PALMD: variants seen among roughly 807,000 people sequenced by gnomAD.
The protein encoded by PALMD is palmdelphin.
Under a neutral mutation model 56.2 loss-of-function variants are expected in PALMD, and 42 were observed. The observed-to-expected ratio is 0.75, with a 90% CI of 0.58 to 0.97. The LOEUF (loss-of-function observed/expected upper bound fraction) is 0.97, where lower values mean the gene tolerates loss of function less well. PALMD is among the 50% of genes least tolerant of loss of function. The pLI, the probability that PALMD is intolerant of heterozygous loss-of-function variation, is 0.00. For synonymous variants in PALMD, 242 were observed against 222.9 expected (o/e 1.09, Z -0.76); for missense variants, 660 against 643.8 (o/e 1.03, Z -0.27).
At position 99,687,271 on chromosome 1, in the gene PALMD, A is replaced by G. The variant is rs913960738; in HGVS notation, c.514+82A>G. On this transcript the variant is annotated intron_variant, in intron 6 of 7. Transcript: ENST00000263174. Reference sequence around the variant, plus strand: ...AAATATTCACAACTTGCTATGACATATTATTCTTCCAGGTTAAGCAATGGT... The same window carrying G: ...AAATATTCACAACTTGCTATGACATGTTATTCTTCCAGGTTAAGCAATGGT... The G allele has an allele frequency of 5.0e-5, 72 of 1,439,518 alleles. 1 individual carries two copies. The highest frequency in any genetic ancestry group is 6.1e-5 in the Non-Finnish European group (66 of 1,078,970). The allele number at this position is 1,439,518 out of a possible 1,614,324, so 89.2% of individuals were successfully genotyped here.
intron 3 of PALMD, among the ~76,000 whole-genome samples, chr1:99,673,680 G>C (rs1230060586): frequency 6.6e-6 from 1 of 152,074 alleles, no homozygotes; most frequent in African/African-American, 2.4e-5. Flanking sequence ...TTCCCAGATA[G>C]TCTGATTATT....
intron 1 of PALMD, among the ~76,000 whole-genome samples, chr1:99,655,250 T>A (rs138558714): frequency 0.011 from 1,635 of 152,200 alleles, 30 homozygotes; most frequent in African/African-American, 0.038. Context: ...GGTCATTTTT[T>A]AAAAGAAAAT....
At chr1:99,673,225 A>AT (rs988377188) in intron 3 of PALMD, among the ~76,000 whole-genome samples, 2 of 152,128 alleles carry the variant, frequency 1.3e-5, no homozygotes, top group African/African-American at 2.4e-5. Context: ...TAAAAGTTAA[A>AT]TTTTTTTGTT....
intron 3 of PALMD, among the ~76,000 whole-genome samples, chr1:99,676,426 T>C (rs567453153): frequency 6.6e-6 from 1 of 152,278 alleles, no homozygotes; most frequent in Non-Finnish European, 1.5e-5. Context: ...GGGGTACAAG[T>C]GCAGTTTTGT....
chr1:99,664,502 A>T (rs1171755258), intron 2 of PALMD, among the ~76,000 whole-genome samples: 1 of 152,178 alleles, frequency 6.6e-6, no homozygotes, highest in Non-Finnish European at 1.5e-5. Context: ...ACATAAACTC[A>T]TAATAACAGT....
intron 3 of PALMD, chr1:99,669,900 T>C (rs1237503391): frequency 6.6e-6 from 1 of 152,188 alleles, no homozygotes; most frequent in Non-Finnish European, 1.5e-5. Flanking sequence ...ATTGTCCCAT[T>C]TAATCTTCAT....
chr1:99,686,758 T>A lies in PALMD; in HGVS notation c.334T>A (p.Ser112Thr), dbSNP rs765400722. The change falls in exon 4 of 8, where the codon TCA (serine) becomes ACA (threonine). Residue 112 changes from serine (S) to threonine (T), a missense_variant. By Grantham distance (58) the Ser-to-Thr change is moderately conservative. Coordinates refer to ENST00000263174, the MANE Select transcript of PALMD (RefSeq NM_017734.5). ...KEEAILKKLK[S>T]IERTTEDIIR... Reference sequence around the variant, plus strand: ...AGAGGCCATTTTAAAGAAACTAAAGTCAATTGAGCGGACAACAGAAGACAT... The same window carrying A: ...AGAGGCCATTTTAAAGAAACTAAAGACAATTGAGCGGACAACAGAAGACAT... 1 of 1,601,796 alleles carries A rather than the reference T, an allele frequency of 6.2e-7. No individual in the cohort carries two copies. Among genetic ancestry groups the A allele is most frequent in the Admixed American group, 1.7e-5 (1 of 59,638 alleles).
At chr1:99,652,488 C>T (rs1021185704) in intron 1 of PALMD, among the ~76,000 whole-genome samples, 1 of 151,922 alleles carries the variant, frequency 6.6e-6, no homozygotes, top group Admixed American at 6.6e-5. Context: ...CCTGTAATCC[C>T]AGCTACTTGG....
At chr1:99,690,064 G>A in intron 7 of PALMD, 192 bp downstream of exon 7, 2 of 513,948 alleles carry the variant, frequency 3.9e-6, no homozygotes, top group African/African-American at 2.0e-5. Flanking sequence ...GATAAAGAAA[G>A]TAAAAATAAA....
intron 2 of PALMD, among the ~76,000 whole-genome samples, chr1:99,663,338 A>C (rs1201440127): frequency 6.6e-6 from 1 of 152,192 alleles, no homozygotes; most frequent in African/African-American, 2.4e-5. Context: ...AAGCACAGTT[A>C]GTCTGCTCCC....
intron 6 of PALMD, 103 bp downstream of exon 6, chr1:99,687,292 A>G: frequency 7.7e-7 from 1 of 1,292,664 alleles, no homozygotes; most frequent in Non-Finnish European, 1.0e-6. Flanking sequence ...AGGTTAAGCA[A>G]TGGTTCACTT....
At chr1:99,655,309 TA>T (rs150488035) in intron 1 of PALMD, among the ~76,000 whole-genome samples, 1 of 152,142 alleles carries the variant, frequency 6.6e-6, no homozygotes, top group African/African-American at 2.4e-5. Context: ...ATTAAAAACA[TA>T]AAAAACTTAA....
intron 1 of PALMD, among the ~76,000 whole-genome samples, chr1:99,652,814 A>C (rs1652628033): frequency 1.3e-5 from 2 of 152,200 alleles, no homozygotes; most frequent in Admixed American, 6.5e-5. Context: ...AGAAGAAACT[A>C]TGGAGGGTCT....
rs1653392876 is a variant in PALMD at position 99,683,054 on chromosome 1, A to AAGAAAGAG, written c.252-3619_252-3618insAAGAGAGA. Among the ~76,000 whole-genome samples the AAGAAAGAG allele has an allele frequency of 1.1e-3, 29 of 26,308 alleles. 4 individuals are homozygous for AAGAAAGAG. Among genetic ancestry groups the AAGAAAGAG allele is most frequent in the East Asian group, 2.4e-3 (2 of 826 alleles). The allele number at this position is 26,308 out of a possible 152,430, so 17.3% of individuals were successfully genotyped here. A position where few individuals can be genotyped will look rare whatever the true frequency, so the allele number is the denominator to read the frequency against. On this transcript the variant is annotated intron_variant, in intron 3 of 7. Transcript: ENST00000263174. Reference sequence around the variant, plus strand: ...AAAGAAAGAAAGAAAGAAAGAAAGAAAGAGAGAGAGAGAGAGAGAGAGAGA... The same window carrying AAGAAAGAG: ...AAAGAAAGAAAGAAAGAAAGAAAGAAAGAAAGAGAGAGAGAGAGAGAGAGAGAGAGAGA...
rs765344446 is a variant in PALMD at position 99,689,849 on chromosome 1, G to C, written c.1589G>C (p.Gly530Ala). ...SPFDAQTTGD[G>A]TEDPSLTALR... is the part of the protein sequence containing the mutation. ...TTTGATGCTCAGACAACTGGAGATG[G>C]GACTGAGGATCCATCCTTAACAGGT... Residue 530 changes from glycine to alanine, a missense_variant, in exon 7 of 8, where the codon GGG becomes GCG. Gly to Ala is a moderately conservative substitution (Grantham distance 60). Transcript: ENST00000263174. The C allele has an allele frequency of 6.2e-7, 1 of 1,609,866 alleles. No homozygotes were observed. The highest frequency in any genetic ancestry group is 8.5e-7 in the Non-Finnish European group (1 of 1,179,150).
intron 3 of PALMD, among the ~76,000 whole-genome samples, chr1:99,679,370 G>A (rs927396763): frequency 6.6e-6 from 1 of 152,150 alleles, no homozygotes; most frequent in Admixed American, 6.6e-5. Context: ...TTGCTATAAA[G>A]TGGCATTAGC....
At chr1:99,646,917 G>A (rs573085932) in intron 1 of PALMD, among the ~76,000 whole-genome samples, 38 of 152,266 alleles carry the variant, frequency 2.5e-4, no homozygotes, top group East Asian at 5.8e-4. Context: ...GTAAAAGCAC[G>A]TATCAGATTA....
At chr1:99,649,246 T>C (rs1227823587) in intron 1 of PALMD, among the ~76,000 whole-genome samples, 1 of 152,228 alleles carries the variant, frequency 6.6e-6, no homozygotes, top group African/African-American at 2.4e-5. Context: ...AGTTTTCAAC[T>C]ATAATTTAAA....
chr1:99,667,280 C>A (rs1214103825), intron 2 of PALMD, among the ~76,000 whole-genome samples: 1 of 152,100 alleles, frequency 6.6e-6, no homozygotes, highest in Non-Finnish European at 1.5e-5. Context: ...CTAAAGACAT[C>A]ATATTATGAG....
Sources: allele counts gnomAD v4.1 joint callset (sites outside exome capture counted in the v4.1 genomes callset), GRCh38; gene constraint gnomAD v4.1.1; transcripts MANE v1.5; gene names NCBI Gene and HGNC (gene_info 2026-07-23, HGNC 2026-07-21).